The following CCT2 variants were observed in gnomAD, a reference collection of about 807,000 sequenced individuals.
CCT2 encodes the protein chaperonin containing TCP1 subunit 2.
In CCT2, 18 loss-of-function variants were observed where a neutral mutation model predicts 61.8. The ratio of observed to expected loss-of-function variants is 0.29; its 90% CI spans 0.20 to 0.43. The LOEUF (loss-of-function observed/expected upper bound fraction) is 0.43, where lower values mean the gene tolerates loss of function less well. CCT2 is among the 20% of genes least tolerant of loss of function. The pLI is 1.00. For synonymous variants in CCT2, 248 were observed against 215.9 expected (o/e 1.15, Z -1.30); for missense variants, 556 against 656.9 (o/e 0.85, Z 1.68).
intron 13 of CCT2, 43 bp from the exon 14 acceptor site, chr12:69,598,279 T>A: frequency 7.3e-7 from 1 of 1,371,286 alleles, no homozygotes; most frequent in Non-Finnish European, 1.0e-6. Flanking sequence ...TCAGTGGTTC[T>A]TACAGTAGAG....
At position 69,590,213 on chromosome 12, in the gene CCT2, A is replaced by G. The variant is rs568121447; in HGVS notation, c.649+526A>G. Among the ~76,000 whole-genome samples the G allele has an allele frequency of 1.4e-3, 207 of 152,326 alleles. 4 individuals are homozygous for G. In the South Asian group the frequency reaches 0.041, roughly 30 times the overall value. On this transcript the variant is annotated intron_variant, in intron 7 of 15. Transcript: ENST00000299300. ...TATTTGCAGGATTTGAAACCCATGT[A>G]TATAGTGGGCCAGCTTTTCAAATCT...
chr12:69,586,889 G>C (rs536463027), intron 3 of CCT2, 71 bp downstream of exon 3: 2 of 894,922 alleles, frequency 2.2e-6, no homozygotes, highest in Non-Finnish European at 1.7e-6. Flanking sequence ...AATAACAAGC[G>C]TATTAAAATG....
At chr12:69,588,038 C>A in intron 5 of CCT2, 32 bp downstream of exon 5, 1 of 1,589,392 alleles carries the variant, frequency 6.3e-7, no homozygotes, top group Non-Finnish European at 8.6e-7. Context: ...TTTTTTCCTA[C>A]TGTGTTTTTG....
At chr12:69,592,246 G>T (rs1881856547) in intron 8 of CCT2, 87 bp downstream of exon 8, 6 of 685,160 alleles carry the variant, frequency 8.8e-6, no homozygotes, top group Non-Finnish European at 1.5e-5. Context: ...GGAGGCCAAG[G>T]TGGTGGATCA....
intron 11 of CCT2, 113 bp downstream of exon 11, chr12:69,597,388 G>A (rs1219194303): frequency 4.6e-6 from 6 of 1,295,234 alleles, no homozygotes; most frequent in African/African-American, 1.5e-5. Context: ...TAACTCTTCA[G>A]AAGCATGATA....
chr12:69,586,863 C>T lies in CCT2; in HGVS notation c.144+45C>T, dbSNP rs570178197. ...TTTATATTTTAATATTGTTTTAGAG[C>T]GCTTGGTGGAAATATAATAACAAGC... On this transcript the variant is annotated intron_variant, in intron 3 of 15. Transcript: ENST00000299300. 1.0e-5 allele frequency: 12 copies of T among 1,176,232 alleles called. No homozygotes were observed. In the Middle Eastern group the frequency reaches 1.1e-3, roughly 105 times the overall value. The allele number at this position is 1,176,232 out of a possible 1,614,324, so 72.9% of individuals were successfully genotyped here. A position where few individuals can be genotyped will look rare whatever the true frequency, so the allele number is the denominator to read the frequency against.
chr12:69,589,830 T>C (rs1461104703), intron 7 of CCT2, 143 bp downstream of exon 7: 15 of 655,018 alleles, frequency 2.3e-5, no homozygotes, highest in Non-Finnish European at 3.4e-5. Context: ...ACCATTTTTG[T>C]CATTTTATTG....
In CCT2 at chr12:69,593,069, ATTC is replaced by A; in HGVS notation, c.847_849del (p.Leu283del). On this transcript the variant is annotated inframe_deletion, in exon 9 of 16. Coordinates refer to ENST00000299300, the MANE Select transcript of CCT2 (RefSeq NM_006431.3). Reference sequence around the variant, plus strand: ...AAAAATGAAGGAGAAAGTTGAACGTATTCTTAAGCATGGAATAAATTGCTTTAT... The same window carrying A: ...AAAAATGAAGGAGAAAGTTGAACGTATTAAGCATGGAATAAATTGCTTTAT... The A allele has an allele frequency of 6.2e-7, 1 of 1,613,664 alleles. No individual in the cohort carries two copies. The highest frequency in any genetic ancestry group is 8.5e-7 in the Non-Finnish European group (1 of 1,179,608).
At position 69,589,804 on chromosome 12, in the gene CCT2, ACATAT is replaced by A. The variant is rs550102719; in HGVS notation, c.649+123_649+127del. The A allele has an allele frequency of 4.0e-4, 316 of 791,094 alleles. 5 individuals carry two copies. In the South Asian group the frequency reaches 5.1e-3, roughly 13 times the overall value. The allele number at this position is 791,094 out of a possible 1,614,324, so 49.0% of individuals were successfully genotyped here. On this transcript the variant is annotated intron_variant, in intron 7 of 15. Transcript: ENST00000299300. ...AAAGCCAGTGAACTTGAATTTAAGGACATATCATATGTGCAACCATTTTTGTCATT... is the reference window on the plus strand; with the variant it reads ...AAAGCCAGTGAACTTGAATTTAAGGACATATGTGCAACCATTTTTGTCATT...
intron 14 of CCT2, 76 bp downstream of exon 14, chr12:69,598,497 CATAAAGAGTTACAAT>C: frequency 1.2e-6 from 1 of 857,350 alleles, no homozygotes; most frequent in South Asian, 2.1e-5. Flanking sequence ...TCTTTTGGAA[CATAAAGAGTTACAAT>C]AACCGTATAA....
In CCT2 at chr12:69,599,880, A is replaced by G. The variant is rs1882099859; in HGVS notation, c.1453A>G (p.Ile485Val). The G allele has an allele frequency of 6.2e-7, 1 of 1,612,880 alleles. No individual in the cohort carries two copies. The highest frequency in any genetic ancestry group is 1.7e-5 in the Admixed American group (1 of 59,866). Residue 485 changes from isoleucine to valine, a missense_variant, in exon 15 of 16, where the codon ATT (isoleucine) becomes GTT (valine). Physicochemically the swap from Ile to Val is conservative, Grantham distance 29. Transcript: ENST00000299300. Reference sequence around the variant, plus strand: ...CTTTGCAGATATGAGGGAAGGCACCATTGGAGATATGGCTATCCTGGGTAT... The same window carrying G: ...CTTTGCAGATATGAGGGAAGGCACCGTTGGAGATATGGCTATCCTGGGTAT... ...TAGLDMREGT[I>V]GDMAILGITE...
At chr12:69,588,840 A>G (rs936041921) in intron 6 of CCT2, among the ~76,000 whole-genome samples, 2 of 152,246 alleles carry the variant, frequency 1.3e-5, no homozygotes, top group African/African-American at 4.8e-5. Context: ...CTGGTGCCAA[A>G]AAGGTCCGGG....
rs560180741 is a variant in CCT2, at chr12:69,599,275, T to TG, written c.1436-581dup. Among the ~76,000 whole-genome samples the TG allele has an allele frequency of 7.9e-5, 12 of 152,198 alleles. No individual in the cohort carries two copies. In the South Asian group the frequency reaches 1.2e-3, roughly 16 times the overall value. ...TAAATTATTTTTATTTTCTTAGAGATGGGGGGGCAGTCTCACTATGTTGTT... is the reference window on the plus strand; with the variant it reads ...TAAATTATTTTTATTTTCTTAGAGATGGGGGGGGCAGTCTCACTATGTTGTT... On this transcript the variant is annotated intron_variant, in intron 14 of 15. Coordinates refer to ENST00000299300, the MANE Select transcript of CCT2 (RefSeq NM_006431.3).
intron 10 of CCT2, among the ~76,000 whole-genome samples, chr12:69,594,138 CAAA>C (rs113074130): frequency 6.0e-5 from 8 of 134,412 alleles, no homozygotes; most frequent in Admixed American, 4.5e-4. Flanking sequence ...GACCCTGTCT[CAAA>C]AAAAAAAAAA....
At position 69,601,424 on chromosome 12, in the gene CCT2, C is replaced by T. The variant is rs190694264; in HGVS notation, c.*99C>T. 6 of 1,604,746 alleles carry T rather than the reference C, an allele frequency of 3.7e-6. No homozygotes were observed. The East Asian group carries it at 9.0e-5, about 24-fold the overall frequency. ...GACTGTGGAATCTGTTTATCGGTGC[C>T]CATTATATCCTTAAGTTTGGATATT... is the stretch of plus-strand genomic sequence containing the variant. On this transcript the variant is annotated 3_prime_UTR_variant, in exon 16 of 16. Coordinates refer to ENST00000299300, the MANE Select transcript of CCT2 (RefSeq NM_006431.3).
At chr12:69,586,026 C>G (rs779045190) in intron 1 of CCT2, 1 of 1,373,590 alleles carries the variant, frequency 7.3e-7, no homozygotes, top group Non-Finnish European at 9.4e-7. Context: ...AACTGTCAAT[C>G]TCGCTGGTGT....
intron 10 of CCT2, among the ~76,000 whole-genome samples, chr12:69,595,893 G>A (rs1881974721): frequency 6.6e-6 from 1 of 152,126 alleles, no homozygotes; most frequent in Non-Finnish European, 1.5e-5. Flanking sequence ...GATGACATTG[G>A]TTCTTGCAAG....
Position 69,585,527 on chromosome 12 carries a change from G to A in CCT2, c.3+3G>A, listed in dbSNP as rs989977356. On this transcript the variant is annotated splice_donor_region_variant and intron_variant, in intron 1 of 15. Transcript: ENST00000299300. ...GTGCGGAACTCCTCGGAACCATGGTGAGCCTGACTCCCCTGCCTCTTGCCC... is the reference window on the plus strand; with the variant it reads ...GTGCGGAACTCCTCGGAACCATGGTAAGCCTGACTCCCCTGCCTCTTGCCC... 1 of 1,570,758 alleles carries A rather than the reference G, an allele frequency of 6.4e-7. No homozygotes were observed. Among genetic ancestry groups the A allele is most frequent in the Non-Finnish European group, 8.6e-7 (1 of 1,157,074 alleles).
chr12:69,588,992 G>A (rs970329462), intron 6 of CCT2, among the ~76,000 whole-genome samples: 6 of 152,230 alleles, frequency 3.9e-5, no homozygotes, highest in East Asian at 3.8e-4. Context: ...GCAGTGGCAC[G>A]ACTTCGGCTG....
Sources: gnomAD v4.1 joint callset for allele counts (sites outside exome capture counted in the v4.1 genomes callset) on GRCh38, gnomAD v4.1.1 for gene constraint, MANE v1.5 for transcripts, NCBI Gene and HGNC (gene_info 2026-07-23, HGNC 2026-07-21) for gene names.